The following DNM3 variants were observed in gnomAD, a reference collection of about 807,000 sequenced individuals.
DNM3 encodes dynamin-3.
In DNM3, 47 loss-of-function variants were observed where a neutral mutation model predicts 101.6. The observed-to-expected ratio is 0.46, with a 90% CI of 0.37 to 0.59. DNM3 has a LOEUF of 0.59. Among genes scored for constraint, DNM3 ranks in the 20% least tolerant of loss-of-function variants. The pLI is 0.00. For synonymous variants in DNM3, 385 were observed against 387.9 expected (o/e 0.99, Z 0.09); for missense variants, 849 against 1,085.7 (o/e 0.78, Z 3.06).
At chr1:171,867,217 A>C (rs1222600637) in intron 1 of DNM3, among the ~76,000 whole-genome samples, 2 of 152,192 alleles carry the variant, frequency 1.3e-5, no homozygotes, top group Admixed American at 1.3e-4. Context: ...GATTTGAAGA[A>C]AACTAGTGTC....
At chr1:172,126,057 C>T (rs1276516249) in intron 13 of DNM3, among the ~76,000 whole-genome samples, 5 of 152,000 alleles carry the variant, frequency 3.3e-5, no homozygotes. Flanking sequence ...TATCTCATTC[C>T]ACTGTTTTAC....
intron 17 of DNM3, among the ~76,000 whole-genome samples, chr1:172,341,537 C>T (rs942713925): frequency 2.0e-5 from 3 of 152,092 alleles, no homozygotes; most frequent in African/African-American, 2.4e-5. Context: ...CAAAAACAGA[C>T]GTATAGACTA....
intron 10 of DNM3, among the ~76,000 whole-genome samples, chr1:172,062,292 C>T (rs1188651222): frequency 6.6e-6 from 1 of 152,082 alleles, no homozygotes; most frequent in Non-Finnish European, 1.5e-5. Context: ...TGTCAACCCA[C>T]CCTGGATTCC....
intron 10 of DNM3, among the ~76,000 whole-genome samples, chr1:172,062,856 T>C (rs182359337): frequency 1.3e-4 from 20 of 152,344 alleles, no homozygotes; most frequent in Non-Finnish European, 2.8e-4. Context: ...TTAAAAAATT[T>C]TTTTCATAGC....
At chr1:172,407,379 T>C (rs765144950) in intron 20 of DNM3, among the ~76,000 whole-genome samples, 4 of 152,034 alleles carry the variant, frequency 2.6e-5, no homozygotes, top group Non-Finnish European at 5.9e-5. Flanking sequence ...AGGAAAATTA[T>C]ATGTGAGAAA....
intron 15 of DNM3, among the ~76,000 whole-genome samples, chr1:172,276,577 G>GTGTGTGTGTGTGTA (rs1268816385): frequency 6.6e-6 from 1 of 151,698 alleles, no homozygotes; most frequent in Admixed American, 6.6e-5. Flanking sequence ...GTGTGTGTGT[G>GTGTGTGTGTGTGTA]TGTGTGTGTA....
intron 2 of DNM3, among the ~76,000 whole-genome samples, chr1:171,984,227 C>T (rs146639681): frequency 5.9e-5 from 9 of 152,264 alleles, no homozygotes; most frequent in South Asian, 2.1e-4. Context: ...CTGTCCTCAA[C>T]ACAGCATCCA....
intron 12 of DNM3, among the ~76,000 whole-genome samples, chr1:172,082,330 T>G (rs200810559): frequency 1.3e-5 from 2 of 149,328 alleles, no homozygotes; most frequent in Non-Finnish European, 1.5e-5. Flanking sequence ...GGCCTGTTTT[T>G]TTTTTTTTTT....
chr1:171,959,468 C>T (rs1354136461), intron 2 of DNM3, among the ~76,000 whole-genome samples: 5 of 152,014 alleles, frequency 3.3e-5, no homozygotes, highest in Non-Finnish European at 7.4e-5. Context: ...GTTCTTGAAG[C>T]ACATCTAAAC....
intron 15 of DNM3, among the ~76,000 whole-genome samples, chr1:172,272,078 C>T (rs771672373): frequency 5.9e-5 from 9 of 151,878 alleles, no homozygotes; most frequent in South Asian, 2.1e-4. Context: ...GTTTTAGTAA[C>T]GATAGATTGT....
chr1:171,907,347 C>T (rs532176142), intron 1 of DNM3, among the ~76,000 whole-genome samples: 3 of 152,212 alleles, frequency 2.0e-5, no homozygotes, highest in South Asian at 2.1e-4. Flanking sequence ...CAAAATTAGC[C>T]GGGCAAGGTG....
intron 17 of DNM3, 58 bp downstream of exon 17, chr1:172,323,398 C>A: frequency 6.4e-7 from 1 of 1,564,168 alleles, no homozygotes. Context: ...TCCGCTCCTG[C>A]ATGTCTTGAC....
chr1:172,350,283 T>C (rs935037919), intron 17 of DNM3, among the ~76,000 whole-genome samples: 1 of 151,484 alleles, frequency 6.6e-6, no homozygotes, highest in African/African-American at 2.4e-5. Context: ...CATTGCAAAG[T>C]TGCTCACATT....
intron 2 of DNM3, among the ~76,000 whole-genome samples, chr1:171,971,009 T>C (rs1348616925): frequency 6.6e-6 from 1 of 152,096 alleles, no homozygotes; most frequent in Non-Finnish European, 1.5e-5. Context: ...ATACTTAGTA[T>C]GAAATGGGCA....
chr1:172,022,633 GCCCAC>G (rs2047926534), intron 4 of DNM3, among the ~76,000 whole-genome samples: 1 of 151,934 alleles, frequency 6.6e-6, no homozygotes, highest in Non-Finnish European at 1.5e-5. Context: ...TCAGTCCCTT[GCCCAC>G]CCCTCCTGAC....
At chr1:171,919,307 G>A (rs1571610012) in intron 1 of DNM3, among the ~76,000 whole-genome samples, 1 of 151,918 alleles carries the variant, frequency 6.6e-6, no homozygotes, top group Non-Finnish European at 1.5e-5. Context: ...CCCTCTCCTG[G>A]CCCCCCACCC....
intron 13 of DNM3, among the ~76,000 whole-genome samples, chr1:172,111,818 T>A (rs947095921): frequency 2.6e-5 from 4 of 152,012 alleles, no homozygotes; most frequent in Non-Finnish European, 4.4e-5. Context: ...TTTTTTTTTT[T>A]AATCTTAGAA....
intron 1 of DNM3, among the ~76,000 whole-genome samples, chr1:171,917,879 C>T (rs1159493807): frequency 6.6e-6 from 1 of 152,182 alleles, no homozygotes; most frequent in African/African-American, 2.4e-5. Context: ...AACATGCTTA[C>T]AGGTTTTCCC....
intron 16 of DNM3, among the ~76,000 whole-genome samples, chr1:172,322,898 C>T (rs2065782191): frequency 6.6e-6 from 1 of 151,726 alleles, no homozygotes; most frequent in Non-Finnish European, 1.5e-5. Context: ...ATGAAATTTT[C>T]CACTGCTTGG....
Sources: allele counts gnomAD v4.1 joint callset (sites outside exome capture counted in the v4.1 genomes callset), GRCh38; gene constraint gnomAD v4.1.1; transcripts MANE v1.5; gene names NCBI Gene and HGNC (gene_info 2026-07-23, HGNC 2026-07-21).